Variants in NDUFS1 observed in about 807,000 individuals in gnomAD.
NDUFS1 encodes NADH:ubiquinone oxidoreductase core subunit S1.
A neutral mutation model predicts 84.4 loss-of-function variants in NDUFS1; 61 were observed. That is an observed-to-expected ratio of 0.72 (90% CI 0.59 to 0.89). The LOEUF (loss-of-function observed/expected upper bound fraction) is 0.89. Ranked by LOEUF, NDUFS1 falls within the 40% of genes least tolerant of loss-of-function variation. The pLI is 0.00. For synonymous variants in NDUFS1, 275 were observed against 290.0 expected (o/e 0.95, Z 0.53); for missense variants, 891 against 890.0 (o/e 1.00, Z -0.01).
rs1370446990 is a variant in NDUFS1, at chr2:206,117,441, GTTTTTC to G, written c.*6738_*6743del. On this transcript the variant is annotated 3_prime_UTR_variant, in exon 19 of 19. Transcript: ENST00000233190. ...AGTAGATACTCTGCAAAAAAATTTT[GTTTTTC>G]TTTTTGAGATGGGGTCTCGCTTTGT... 1 of 152,164 alleles carries G rather than the reference GTTTTTC, an allele frequency of 6.6e-6. No individual in the cohort carries two copies. Among genetic ancestry groups the G allele is most frequent in the Non-Finnish European group, 1.5e-5 (1 of 68,010 alleles). The allele number at this position is 152,164 out of a possible 1,614,324, so 9.4% of individuals were successfully genotyped here. A position where few individuals can be genotyped will look rare whatever the true frequency, so the allele number is the denominator to read the frequency against.
chr2:206,126,914 T>A, intron 16 of NDUFS1, 70 bp from the exon 17 acceptor site: 1 of 1,570,828 alleles, frequency 6.4e-7, no homozygotes, highest in South Asian at 1.1e-5. Context: ...AATAGATAAT[T>A]GTAACTATGG....
chr2:206,153,970 C>T (rs1009963508), intron 1 of NDUFS1, among the ~76,000 whole-genome samples: 28 of 152,186 alleles, frequency 1.8e-4, no homozygotes, highest in Non-Finnish European at 4.0e-4. Context: ...AAGGATCAAA[C>T]TTAAAGCACT....
chr2:206,128,685 G>A (rs919321059), intron 15 of NDUFS1, among the ~76,000 whole-genome samples: 1 of 151,752 alleles, frequency 6.6e-6, no homozygotes, highest in African/African-American at 2.4e-5. Context: ...GAGGGCTGAG[G>A]CATGAGAATC....
Position 206,117,096 on chromosome 2 carries a change from AG to A in NDUFS1, c.*7088del, listed in dbSNP as rs1235828592. On this transcript the variant is annotated 3_prime_UTR_variant, in exon 19 of 19. Coordinates refer to ENST00000233190, the MANE Select transcript of NDUFS1 (RefSeq NM_005006.7). Reference sequence around the variant, plus strand: ...GTAGTTCCAGCTGTTCAGGAGGCTGAGGCAGGAGGATTGCTTGATCCAGGGA... The same window carrying A: ...GTAGTTCCAGCTGTTCAGGAGGCTGAGCAGGAGGATTGCTTGATCCAGGGA... 1.3e-5 allele frequency: 2 copies of A among 152,250 alleles called. No individual in the cohort carries two copies. Among genetic ancestry groups the A allele is most frequent in the African/African-American group, 2.4e-5 (1 of 41,446 alleles). The allele number at this position is 152,250 out of a possible 1,614,324, so 9.4% of individuals were successfully genotyped here. A position where few individuals can be genotyped will look rare whatever the true frequency, so the allele number is the denominator to read the frequency against.
At chr2:206,143,150 G>GAAA (rs1692028249) in intron 10 of NDUFS1, among the ~76,000 whole-genome samples, 1 of 152,202 alleles carries the variant, frequency 6.6e-6, no homozygotes, top group Non-Finnish European at 1.5e-5. Flanking sequence ...TGCTCGGGAG[G>GAAA]ATGAGGCAGG....
chr2:206,146,336 G>A lies in NDUFS1; in HGVS notation c.737+567C>T, dbSNP rs1037999539. The stretch of plus-strand genomic sequence containing the variant: ...TCAGTAAGGACACAGAAATTACACA[G>A]AAACAAAAAGCCAAATCCCAAGTTG... On this transcript the variant is annotated intron_variant, in intron 8 of 18. Transcript: ENST00000233190. Among the ~76,000 whole-genome samples, 8 of 152,258 alleles carry A rather than the reference G, an allele frequency of 5.3e-5. No individual in the cohort carries two copies. In the East Asian group the frequency reaches 1.5e-3, roughly 29 times the overall value.
rs1452606641 is a variant in NDUFS1, at chr2:206,115,123, G to C, written c.*9062C>G. On this transcript the variant is annotated 3_prime_UTR_variant, in exon 19 of 19. Coordinates refer to ENST00000233190, the MANE Select transcript of NDUFS1 (RefSeq NM_005006.7). Reference sequence around the variant, plus strand: ...TTTGTCTCATGATGAATCATGCCTTGAGTCTCACTCATATCTGATTTAGAT... The same window carrying C: ...TTTGTCTCATGATGAATCATGCCTTCAGTCTCACTCATATCTGATTTAGAT... 30 of 152,182 alleles carry C rather than the reference G, an allele frequency of 2.0e-4. No individual in the cohort carries two copies. Among genetic ancestry groups the C allele is most frequent in the Admixed American group, 2.0e-3 (30 of 15,272 alleles). 9.4% of individuals were successfully genotyped at this position (152,182 alleles called of 1,614,324 possible).
At chr2:206,132,809 TC>T in intron 14 of NDUFS1, 135 bp downstream of exon 14, 1 of 738,738 alleles carries the variant, frequency 1.4e-6, no homozygotes, top group Non-Finnish European at 2.3e-6. Context: ...AGAGTAAAGG[TC>T]TATATTTCAC....
In NDUFS1 at chr2:206,117,481, C is replaced by A. The variant is rs1463358500; in HGVS notation, c.*6704G>T. 1 of 152,250 alleles carries A rather than the reference C, an allele frequency of 6.6e-6. No homozygotes were observed. Among genetic ancestry groups the A allele is most frequent in the Non-Finnish European group, 1.5e-5 (1 of 68,052 alleles). The allele number at this position is 152,250 out of a possible 1,614,324, so 9.4% of individuals were successfully genotyped here. ...ATGGGGTCTCGCTTTGTCGCCCATG[C>A]TAGAGCGCAGTGGCGCGATCTGGGA... On this transcript the variant is annotated 3_prime_UTR_variant, in exon 19 of 19. Coordinates refer to ENST00000233190, the MANE Select transcript of NDUFS1 (RefSeq NM_005006.7).
rs1691303857 is a variant in NDUFS1 at position 206,126,621 on chromosome 2, AAAG to A, written c.2020-13_2020-11del. ...GCTGCTGGTTCACTAGCTGCACAAA[AAAG>A]AAGAGATCAACAATAATATGGAAAA... On this transcript the variant is annotated splice_polypyrimidine_tract_variant and intron_variant, in intron 17 of 18. Coordinates refer to ENST00000233190, the MANE Select transcript of NDUFS1 (RefSeq NM_005006.7). 1 of 1,614,140 alleles carries A rather than the reference AAAG, an allele frequency of 6.2e-7. No individual in the cohort carries two copies. The highest frequency in any genetic ancestry group is 8.5e-7 in the Non-Finnish European group (1 of 1,180,020).
intron 13 of NDUFS1, among the ~76,000 whole-genome samples, chr2:206,135,463 A>C (rs1452966430): frequency 6.6e-6 from 1 of 152,010 alleles, no homozygotes; most frequent in Non-Finnish European, 1.5e-5. Context: ...TCACGAGGTC[A>C]GGAGATTGAG....
chr2:206,130,584 A>T (rs1004765098), intron 14 of NDUFS1, among the ~76,000 whole-genome samples: 1 of 152,068 alleles, frequency 6.6e-6, no homozygotes, highest in African/African-American at 2.4e-5. Context: ...TGAACTCTTG[A>T]CCTCAGGTGA....
At chr2:206,153,876 A>AAGC (rs976492609) in intron 1 of NDUFS1, among the ~76,000 whole-genome samples, 194 bp from the exon 2 acceptor site, 17 of 152,206 alleles carry the variant, frequency 1.1e-4, no homozygotes, top group Non-Finnish European at 2.4e-4. Context: ...TCAAAGAGCT[A>AAGC]AGCAGCAGCA....
At chr2:206,130,031 T>A in intron 15 of NDUFS1, 57 bp downstream of exon 15, 2 of 1,599,506 alleles carry the variant, frequency 1.3e-6, no homozygotes. Flanking sequence ...CTAAATGGTT[T>A]CTAACATACA....
chr2:206,146,468 G>C (rs1692157631), intron 8 of NDUFS1, among the ~76,000 whole-genome samples: 1 of 151,970 alleles, frequency 6.6e-6, no homozygotes, highest in Admixed American at 6.5e-5. Flanking sequence ...TTAATCAGGA[G>C]AATGAGAGAT....
intron 15 of NDUFS1, among the ~76,000 whole-genome samples, chr2:206,129,636 G>T (rs972070042): frequency 6.6e-6 from 1 of 150,628 alleles, no homozygotes; most frequent in African/African-American, 2.4e-5. Flanking sequence ...TTATTGCCTA[G>T]GCTGGAGTAC....
At chr2:206,144,855 A>G (rs1397236218) in intron 9 of NDUFS1, 37 bp downstream of exon 9, 1 of 1,598,420 alleles carries the variant, frequency 6.3e-7, no homozygotes, top group Non-Finnish European at 8.5e-7. Flanking sequence ...TCCTTTAAAT[A>G]AACTGTAAAA....
chr2:206,125,141 A>C (rs7579075), intron 18 of NDUFS1, among the ~76,000 whole-genome samples: 3,997 of 152,022 alleles, frequency 0.026, 178 homozygotes, highest in African/African-American at 0.092. Flanking sequence ...CCACTGCACC[A>C]GGCCTAATCT....
At chr2:206,152,086 A>G (rs1204693428) in intron 3 of NDUFS1, among the ~76,000 whole-genome samples, 1 of 152,104 alleles carries the variant, frequency 6.6e-6, no homozygotes, top group African/African-American at 2.4e-5. Flanking sequence ...AGGCTGGTCT[A>G]GAACTCCTGA....
Sources: gnomAD v4.1 joint callset for allele counts (sites outside exome capture counted in the v4.1 genomes callset) on GRCh38, gnomAD v4.1.1 for gene constraint, MANE v1.5 for transcripts, NCBI Gene and HGNC (gene_info 2026-07-23, HGNC 2026-07-21) for gene names.